MARCHF1: variants seen among roughly 807,000 people sequenced by gnomAD.
The protein encoded by MARCHF1 is membrane associated ring-CH-type finger 1.
A neutral mutation model predicts 54.2 loss-of-function variants in MARCHF1; 40 were observed. The observed-to-expected ratio is 0.74, with a 90% confidence interval of 0.57 to 0.96. The LOEUF (loss-of-function observed/expected upper bound fraction) is 0.96, where lower values mean the gene tolerates loss of function less well. Ranked by LOEUF, MARCHF1 falls within the 40% of genes least tolerant of loss-of-function variation. The pLI is 0.00. For missense variants in MARCHF1, 586 were observed against 656.5 expected, an observed-to-expected ratio of 0.89 and a Z score of 1.17; for synonymous variants, 236 against 236.3, an observed-to-expected ratio of 1.00 and a Z score of 0.01.
chr4:163,670,359 G>GAGCT (rs1554003159), intron 5 of MARCHF1, among the ~76,000 whole-genome samples: 2 of 143,742 alleles, frequency 1.4e-5, no homozygotes, highest in Non-Finnish European at 3.0e-5. Context: ...CCTAGAGTAG[G>GAGCT]ATCTATCTAT....
At chr4:163,942,754 G>A (rs1301868373) in intron 3 of MARCHF1, among the ~76,000 whole-genome samples, 1 of 151,830 alleles carries the variant, frequency 6.6e-6, no homozygotes, top group Non-Finnish European at 1.5e-5. Flanking sequence ...TACCTCCCCC[G>A]ATCTTTTTAG....
chr4:164,129,267 C>T (rs897026102), intron 1 of MARCHF1, among the ~76,000 whole-genome samples: 9 of 151,968 alleles, frequency 5.9e-5, no homozygotes. Context: ...ATTTGTCGTT[C>T]GGAAATATGA....
chr4:163,595,607 T>C (rs751380090), intron 7 of MARCHF1, among the ~76,000 whole-genome samples: 9 of 152,298 alleles, frequency 5.9e-5, no homozygotes, highest in Non-Finnish European at 1.0e-4. Context: ...TGGCTGTTCA[T>C]TGATGAAATT....
chr4:164,157,556 G>C (rs1156704361), intron 1 of MARCHF1, among the ~76,000 whole-genome samples: 1 of 152,166 alleles, frequency 6.6e-6, no homozygotes, highest in Non-Finnish European at 1.5e-5. Flanking sequence ...AGTTCTGGAA[G>C]CTTGAAATCA....
intron 5 of MARCHF1, among the ~76,000 whole-genome samples, chr4:163,619,124 G>C (rs994541260): frequency 6.6e-6 from 1 of 152,168 alleles, no homozygotes; most frequent in Non-Finnish European, 1.5e-5. Flanking sequence ...TAGTCAAGAT[G>C]AAAAAGTAGA....
chr4:164,271,646 A>G (rs1298659718), intron 1 of MARCHF1, among the ~76,000 whole-genome samples: 1 of 152,184 alleles, frequency 6.6e-6, no homozygotes, highest in Non-Finnish European at 1.5e-5. Context: ...GGTTATCCAT[A>G]TGAGGCAAAT....
At chr4:164,325,510 TGATTTA>T (rs1357414147) in intron 1 of MARCHF1, among the ~76,000 whole-genome samples, 1 of 152,140 alleles carries the variant, frequency 6.6e-6, no homozygotes, top group East Asian at 1.9e-4. Context: ...TAGTTTCAGA[TGATTTA>T]AACACACTTA....
intron 1 of MARCHF1, among the ~76,000 whole-genome samples, chr4:164,349,834 A>T (rs1730226747): frequency 1.3e-5 from 2 of 152,196 alleles, no homozygotes; most frequent in Non-Finnish European, 2.9e-5. Context: ...AAACTTATCC[A>T]CTCAAATTGT....
At position 164,065,620 on chromosome 4, in the gene MARCHF1, C is replaced by T. The variant is rs1213890686; in HGVS notation, c.-248+45968G>A. Among the ~76,000 whole-genome samples the T allele has an allele frequency of 3.3e-5, 5 of 152,082 alleles. No individual in the cohort carries two copies. The East Asian group carries it at 7.7e-4, about 23-fold the overall frequency. Reference sequence around the variant, plus strand: ...AGGAGTTTATTAGGCAGAATTGGCTCACATGATCACAAGGTGAAGTCCTAT... The same window carrying T: ...AGGAGTTTATTAGGCAGAATTGGCTTACATGATCACAAGGTGAAGTCCTAT... On this transcript the variant is annotated intron_variant, in intron 2 of 9. Transcript: ENST00000514618.
At chr4:164,344,864 AAAG>A (rs1730032672) in intron 1 of MARCHF1, among the ~76,000 whole-genome samples, 1 of 152,230 alleles carries the variant, frequency 6.6e-6, no homozygotes, top group Non-Finnish European at 1.5e-5. Flanking sequence ...AGATTAGACT[AAAG>A]AAGTCCTTTG....
intron 5 of MARCHF1, among the ~76,000 whole-genome samples, chr4:163,670,536 T>G (rs1743700963): frequency 1.3e-5 from 2 of 152,056 alleles, no homozygotes; most frequent in African/African-American, 4.8e-5. Flanking sequence ...TTCTTTCTCT[T>G]TTGTTTCTGT....
At chr4:164,319,237 A>G (rs74286473) in intron 1 of MARCHF1, among the ~76,000 whole-genome samples, 22,189 of 152,190 alleles carry the variant, frequency 0.15, 2,472 homozygotes, top group East Asian at 0.42. Flanking sequence ...ACTAGGTATT[A>G]TAAGTAATCT....
At chr4:164,074,834 T>G (rs1303216656) in intron 2 of MARCHF1, among the ~76,000 whole-genome samples, 2 of 151,446 alleles carry the variant, frequency 1.3e-5, no homozygotes, top group African/African-American at 4.8e-5. Flanking sequence ...ACATACTATA[T>G]GTAAATTCAT....
At chr4:164,257,381 G>A (rs981699215) in intron 1 of MARCHF1, among the ~76,000 whole-genome samples, 6 of 151,506 alleles carry the variant, frequency 4.0e-5, no homozygotes, top group Admixed American at 6.6e-5. Flanking sequence ...TTTTTAGTGT[G>A]GCTCTAAAAC....
At chr4:164,250,534 C>T (rs374440406) in intron 1 of MARCHF1, among the ~76,000 whole-genome samples, 5 of 152,070 alleles carry the variant, frequency 3.3e-5, no homozygotes, top group East Asian at 1.9e-4. Context: ...TAATTTTCCA[C>T]TTCAAGATTT....
chr4:163,647,231 T>G (rs564767456), intron 5 of MARCHF1, among the ~76,000 whole-genome samples: 35 of 152,164 alleles, frequency 2.3e-4, no homozygotes, highest in African/African-American at 8.4e-4. Context: ...ATGTATAATA[T>G]ATGCACAGTA....
chr4:164,223,729 A>G (rs984924307), intron 1 of MARCHF1, among the ~76,000 whole-genome samples: 7 of 151,728 alleles, frequency 4.6e-5, no homozygotes, highest in African/African-American at 1.5e-4. Context: ...TGTCTTTGCT[A>G]CCAGTTTTCA....
At chr4:164,105,491 C>T (rs1447730150) in intron 2 of MARCHF1, among the ~76,000 whole-genome samples, 92 of 137,876 alleles carry the variant, frequency 6.7e-4, no homozygotes, top group Middle Eastern at 3.7e-3. Context: ...CTTTGACAAA[C>T]CTGAGAAAAA....
chr4:163,808,932 T>C (rs1000534127), intron 4 of MARCHF1, among the ~76,000 whole-genome samples: 9 of 152,156 alleles, frequency 5.9e-5, no homozygotes, highest in Non-Finnish European at 1.3e-4. Flanking sequence ...GCTTGAGTAG[T>C]TGTCAGACGA....
Sources: gnomAD v4.1 joint callset for allele counts (sites outside exome capture counted in the v4.1 genomes callset) on GRCh38, gnomAD v4.1.1 for gene constraint, MANE v1.5 for transcripts, NCBI Gene and HGNC (gene_info 2026-07-23, HGNC 2026-07-21) for gene names.